Variants in PTGIS observed in about 807,000 individuals in gnomAD.
PTGIS encodes the protein prostacyclin synthase.
PTGIS carries 45 observed loss-of-function variants against 50.3 expected under a neutral mutation model. That is an observed-to-expected ratio of 0.90 (90% confidence interval 0.70 to 1.15). The LOEUF is 1.15. PTGIS is among the 50% of genes most tolerant of loss of function. PTGIS has a pLI of 0.00. For synonymous variants in PTGIS, 260 were observed against 267.7 expected, an observed-to-expected ratio of 0.97 and a Z score of 0.28; for missense variants, 668 against 661.3, an observed-to-expected ratio of 1.01 and a Z score of -0.11.
chr20:49,508,370 G>T (rs1040119413), intron 9 of PTGIS, among the ~76,000 whole-genome samples: 2 of 152,230 alleles, frequency 1.3e-5, no homozygotes, highest in African/African-American at 2.4e-5. Flanking sequence ...CTGCCTGGCA[G>T]CCATGCAGGC....
intron 5 of PTGIS, among the ~76,000 whole-genome samples, chr20:49,527,746 T>C (rs1279984307): frequency 6.6e-6 from 1 of 152,226 alleles, no homozygotes; most frequent in Non-Finnish European, 1.5e-5. Context: ...TAAAATAGTA[T>C]ATTTTATGTT....
At chr20:49,551,808 G>GTA (rs1982517467) in intron 1 of PTGIS, among the ~76,000 whole-genome samples, 2 of 71,204 alleles carry the variant, frequency 2.8e-5, no homozygotes, top group African/African-American at 3.3e-4. Context: ...GTATGTGTTT[G>GTA]TGTGTGTGTG....
intron 6 of PTGIS, among the ~76,000 whole-genome samples, chr20:49,523,243 T>C (rs1487271037): frequency 6.6e-6 from 1 of 152,158 alleles, no homozygotes; most frequent in Non-Finnish European, 1.5e-5. Flanking sequence ...GGAGATGTTC[T>C]TGCTTACACT....
chr20:49,567,543 T>C (rs143752052), intron 1 of PTGIS, among the ~76,000 whole-genome samples: 1 of 152,264 alleles, frequency 6.6e-6, no homozygotes, highest in Non-Finnish European at 1.5e-5. Context: ...AACACTCCCA[T>C]CTGTGTAATG....
intron 6 of PTGIS, among the ~76,000 whole-genome samples, chr20:49,518,537 G>T (rs184416190): frequency 6.6e-6 from 1 of 152,232 alleles, no homozygotes; most frequent in Admixed American, 6.5e-5. Context: ...TAGTCTTGAT[G>T]AATGTATTGT....
At chr20:49,564,673 T>C (rs1982851583) in intron 1 of PTGIS, among the ~76,000 whole-genome samples, 2 of 152,238 alleles carry the variant, frequency 1.3e-5, no homozygotes, top group African/African-American at 2.4e-5. Flanking sequence ...TTAAAAGTTT[T>C]AAATTAAATT....
At chr20:49,532,853 G>A (rs892082618) in intron 5 of PTGIS, among the ~76,000 whole-genome samples, 1 of 152,164 alleles carries the variant, frequency 6.6e-6, no homozygotes, top group African/African-American at 2.4e-5. Context: ...TCATAGGATG[G>A]TCAGGAGGAT....
chr20:49,516,905 T>C (rs1285972611), intron 6 of PTGIS, among the ~76,000 whole-genome samples: 1 of 152,218 alleles, frequency 6.6e-6, no homozygotes, highest in Non-Finnish European at 1.5e-5. Context: ...AGAAGATCCC[T>C]GGACTGAGAC....
At chr20:49,533,626 G>A (rs140978652) in intron 5 of PTGIS, among the ~76,000 whole-genome samples, 7 of 152,062 alleles carry the variant, frequency 4.6e-5, no homozygotes, top group Admixed American at 6.6e-5. Flanking sequence ...ACCCCTTCTC[G>A]GCCTTCCCAA....
Position 49,507,679 on chromosome 20 carries a change from C to A in PTGIS, c.*241G>T, listed in dbSNP as rs574158861. The A allele has an allele frequency of 1.7e-6, 1 of 591,892 alleles. No individual in the cohort carries two copies. The highest frequency in any genetic ancestry group is 1.9e-5 in the African/African-American group (1 of 53,866). 36.7% of individuals were successfully genotyped at this position (591,892 alleles called of 1,614,324 possible). On this transcript the variant is annotated 3_prime_UTR_variant, in exon 10 of 10. Transcript: ENST00000244043. The stretch of plus-strand genomic sequence containing the variant: ...AGTAACGAGGTGAATTGGGAGCAGA[C>A]AAAGCCTGATTTTGGAAAGAAAACT...
chr20:49,559,843 G>C (rs1982719670), intron 1 of PTGIS, among the ~76,000 whole-genome samples: 1 of 152,108 alleles, frequency 6.6e-6, no homozygotes, highest in African/African-American at 2.4e-5. Context: ...GTTTCTTTTA[G>C]GGGTGATGAA....
Position 49,539,705 on chromosome 20 carries a change from G to T in PTGIS, c.538C>A (p.Leu180Ile). The T allele has an allele frequency of 6.2e-7, 1 of 1,612,826 alleles. No individual in the cohort carries two copies. Among genetic ancestry groups the T allele is most frequent in the Non-Finnish European group, 8.5e-7 (1 of 1,179,880 alleles). Residue 180 changes from leucine (L) to isoleucine (I), a missense_variant, in exon 5 of 10, where the codon CTT becomes ATT. Leu to Ile is a conservative substitution (Grantham distance 5, BLOSUM62 2). Transcript: ENST00000244043. ...CGTGGCAGCGCCTCAATTCCGTAAA[G>T]AGTCAGGTAGCCGGCTCTGGGGGCG... ...SFLLRAGYLT[L>I]YGIEALPRTH...
At position 49,537,505 on chromosome 20, in the gene PTGIS, A is replaced by G. The variant is rs949270278; in HGVS notation, c.673+2065T>C. ...CGTGGTGGCTCATGCCTGTAATCCC[A>G]ACACTTTGGGAGGCCGAGGCAGGCA... is the stretch of plus-strand genomic sequence containing the variant. On this transcript the variant is annotated intron_variant, in intron 5 of 9. Transcript: ENST00000244043. 2.0e-5 allele frequency among the ~76,000 whole-genome samples: 3 copies of G among 152,330 alleles called. No individual in the cohort carries two copies. In the East Asian group the frequency reaches 5.8e-4, roughly 29 times the overall value.
In PTGIS at chr20:49,540,643, G is replaced by A. The variant is rs2122878351; in HGVS notation, c.522-922C>T. ...TGGGAGCTAGCATGAGCTCTCATGTGCTCTCACTGAGGCACACTTACGCAC... is the reference window on the plus strand; with the variant it reads ...TGGGAGCTAGCATGAGCTCTCATGTACTCTCACTGAGGCACACTTACGCAC... On this transcript the variant is annotated intron_variant, in intron 4 of 9. Coordinates refer to ENST00000244043, the MANE Select transcript of PTGIS (RefSeq NM_000961.4). This position sits in a 1 kb window ranked among gnomAD's most constrained non-coding sequence, Gnocchi z 4.8. Among the ~76,000 whole-genome samples, 1 of 152,134 alleles carries A rather than the reference G, an allele frequency of 6.6e-6. No individual in the cohort carries two copies. The highest frequency in any genetic ancestry group is 3.4e-3 in the Middle Eastern group (1 of 294).
intron 6 of PTGIS, among the ~76,000 whole-genome samples, chr20:49,519,528 C>G (rs1981589771): frequency 6.6e-6 from 1 of 151,968 alleles, no homozygotes. Flanking sequence ...CACTGGAGAG[C>G]CCCAGGGATG....
chr20:49,536,672 A>G (rs1286631936), intron 5 of PTGIS, among the ~76,000 whole-genome samples: 1 of 151,690 alleles, frequency 6.6e-6, no homozygotes, highest in African/African-American at 2.4e-5. Context: ...TAGTAGAGAC[A>G]GGGTTCCGCC....
chr20:49,547,689 T>A, intron 3 of PTGIS, 152 bp downstream of exon 3: 1 of 891,348 alleles, frequency 1.1e-6, no homozygotes, highest in Non-Finnish European at 1.8e-6. Context: ...CCAATTCTTT[T>A]GGGTTGTTTT....
chr20:49,514,463 A>T, intron 6 of PTGIS, 68 bp from the exon 7 acceptor site: 1 of 1,565,724 alleles, frequency 6.4e-7, no homozygotes, highest in Non-Finnish European at 8.7e-7. Flanking sequence ...CCAGGGACAC[A>T]GCTCGGGCCA....
intron 8 of PTGIS, among the ~76,000 whole-genome samples, chr20:49,511,743 G>A (rs1277191274): frequency 2.0e-5 from 3 of 152,220 alleles, no homozygotes; most frequent in African/African-American, 4.8e-5. Flanking sequence ...AGCTTGGCAT[G>A]GAGTAGCTGC....
Sources: allele counts gnomAD v4.1 joint callset (sites outside exome capture counted in the v4.1 genomes callset), GRCh38; gene constraint gnomAD v4.1.1; non-coding constraint Gnocchi (gnomAD v3.1); transcripts MANE v1.5; gene names NCBI Gene and HGNC (gene_info 2026-07-23, HGNC 2026-07-21).